The following SAMD9 variants were observed in gnomAD, a reference collection of about 807,000 sequenced individuals.
SAMD9 encodes sterile alpha motif domain-containing protein 9.
Under a neutral mutation model 1.5 loss-of-function variants are expected in SAMD9, and 3 were observed. The ratio of observed to expected loss-of-function variants is 2.05; its 90% CI spans 0.93 to 5.29. The LOEUF (loss-of-function observed/expected upper bound fraction) is 5.29. Ranked by LOEUF, SAMD9 falls within the 30% of genes most tolerant of loss-of-function variation. The probability of loss-of-function intolerance (pLI) is 0.02; values close to 1 mark genes in which losing one functional copy is unlikely to be tolerated. For synonymous variants in SAMD9, 635 were observed against 631.9 expected, an observed-to-expected ratio of 1.00 and a Z score of -0.07; for missense variants, 1,597 against 1,820.8, an observed-to-expected ratio of 0.88 and a Z score of 2.24.
At chr7:93,110,404 G>A (rs749994681) in intron 2 of SAMD9, among the ~76,000 whole-genome samples, 6 of 152,104 alleles carry the variant, frequency 3.9e-5, no homozygotes, top group Non-Finnish European at 8.8e-5. Flanking sequence ...ATCAAATAAC[G>A]AGCAAAAGAA....
In SAMD9 at chr7:93,104,309, G is replaced by A. The variant is rs777021540; in HGVS notation, c.1789C>T (p.His597Tyr). The A allele has an allele frequency of 6.2e-7, 1 of 1,613,588 alleles. No individual in the cohort carries two copies. The highest frequency in any genetic ancestry group is 1.1e-5 in the South Asian group (1 of 91,038). ...CATTGGCTTGAAATTTCATCTTGGT[G>A]TTTTATTAATCTTGCTTCAAGTAGA... ...KDLLEARLIK[H>Y]QDEISSQCIS... The change falls in exon 3 of 3, where the codon CAC (histidine) becomes TAC (tyrosine). Residue 597 changes from histidine (H) to tyrosine (Y), a missense_variant. By Grantham distance (83) the His-to-Tyr change is moderately conservative. Transcript: ENST00000379958.
rs1159798037 is a variant in SAMD9 at position 93,105,288 on chromosome 7, CTTGT to C, written c.806_809del (p.Asn269SerfsTer129). On this transcript the variant is annotated frameshift_variant, in exon 3 of 3. Coordinates refer to ENST00000379958, the MANE Select transcript of SAMD9 (RefSeq NM_017654.4). LOFTEE classifies it low-confidence loss of function (END_TRUNC). ...GTTGGACTTGATGGTCTTCAAAATA[CTTGT>C]TTATCATCAGATTGAAATGGTTAAT... 1.2e-6 allele frequency: 2 copies of C among 1,613,922 alleles called. No individual in the cohort carries two copies. The highest frequency in any genetic ancestry group is 1.7e-6 in the Non-Finnish European group (2 of 1,179,962).
Position 93,105,367 on chromosome 7 carries a change from TG to T in SAMD9, c.730del (p.His244MetfsTer23), listed in dbSNP as rs1562776065. 1.9e-6 allele frequency: 3 copies of T among 1,613,900 alleles called. No homozygotes were observed. The highest frequency in any genetic ancestry group is 2.5e-6 in the Non-Finnish European group (3 of 1,179,984). ...GACTTTGATGCCAACAATTTTCCCA[TG>T]GGGTTTGTCTTTGACTCCAAAATGA... is the stretch of plus-strand genomic sequence containing the variant. ...TIHFGVKDKPHGKIVGIKVTN... is the reference protein window; with the variant it reads ...TIHFGVKDKPXGKIVGIKVTN... On this transcript the variant is annotated frameshift_variant, in exon 3 of 3. Coordinates refer to ENST00000379958, the MANE Select transcript of SAMD9 (RefSeq NM_017654.4). LOFTEE classifies it low-confidence loss of function (END_TRUNC).
Position 93,104,427 on chromosome 7 carries a change from A to G in SAMD9, c.1671T>C (p.Ile557=). The part of the protein sequence containing the change: ...SSVDDPRDPL[I]ETFCAFYQDL... ...CCTGGTAGAAAGCACAGAAAGTCTC[A>G]ATGAGGGGATCTCTTGGGTCATCCA... The change falls in exon 3 of 3, where the codon ATT becomes ATC. Residue 557 remains isoleucine (I), a synonymous_variant. Transcript: ENST00000379958. The G allele has an allele frequency of 6.2e-7, 1 of 1,613,942 alleles. No homozygotes were observed. The highest frequency in any genetic ancestry group is 8.5e-7 in the Non-Finnish European group (1 of 1,179,858).
rs763877299 is a variant in SAMD9, at chr7:93,105,752, C to G, written c.346G>C (p.Gly116Arg). Residue 116 changes from glycine (G) to arginine (R), a missense_variant, in exon 3 of 3, where the codon GGT (glycine) becomes CGT (arginine). Gly to Arg is a moderately radical substitution (Grantham distance 125). This residue lies in a region of SAMD9 where 498 missense variants were observed against 457.4 expected (regional missense o/e 1.09). Coordinates refer to ENST00000379958, the MANE Select transcript of SAMD9 (RefSeq NM_017654.4). The part of the protein sequence containing the change: ...RRETSKQKQK[G>R]KENPDMANPS... The stretch of plus-strand genomic sequence containing the variant: ...TTAGCCATATCTGGGTTCTCTTTAC[C>G]CTTTTGTTTTTGCTTTGAAGTTTCT... 5.3e-5 allele frequency: 86 copies of G among 1,613,854 alleles called. No individual in the cohort carries two copies. The highest frequency in any genetic ancestry group is 6.9e-5 in the Non-Finnish European group (81 of 1,180,002).
At chr7:93,108,244 C>A (rs1342413545) in intron 2 of SAMD9, among the ~76,000 whole-genome samples, 2 of 152,188 alleles carry the variant, frequency 1.3e-5, no homozygotes, top group East Asian at 1.9e-4. Flanking sequence ...CGGGGGACTG[C>A]ATGTACCTTC....
In SAMD9 at chr7:93,105,091, C is replaced by A. The variant is rs1189250576; in HGVS notation, c.1007G>T (p.Ser336Ile). ...TCGCACAAATAGTGAGAATTTTTTA[C>A]TTTGTTCCCATATTTTGTTGTTGTA... ...QNYNNKIWEQ[S>I]KKFSLFVRDG... Residue 336 changes from serine (S) to isoleucine (I), a missense_variant, in exon 3 of 3, where the codon AGT becomes ATT. Physicochemically the swap from Ser to Ile is moderately radical, Grantham distance 142. Coordinates refer to ENST00000379958, the MANE Select transcript of SAMD9 (RefSeq NM_017654.4). 1 of 1,613,842 alleles carries A rather than the reference C, an allele frequency of 6.2e-7. No individual in the cohort carries two copies. Among genetic ancestry groups the A allele is most frequent in the Admixed American group, 1.7e-5 (1 of 59,992 alleles).
Position 93,104,583 on chromosome 7 carries a change from A to G in SAMD9, c.1515T>C (p.Tyr505=), listed in dbSNP as rs755272329. The part of the protein sequence containing the change: ...NGRLDLDSEK[Y]KPFDPSSWQR... ...GCCAGGAACTTGGATCAAAGGGTTT[A>G]TATTTTTCACTGTCAAGGTCTAACC... The change falls in exon 3 of 3, where the codon TAT becomes TAC. Residue 505 remains tyrosine (Y), a synonymous_variant. Transcript: ENST00000379958. The G allele has an allele frequency of 2.9e-5, 47 of 1,613,954 alleles. No individual in the cohort carries two copies. In the South Asian group the frequency reaches 4.8e-4, roughly 17 times the overall value.
rs751226142 is a variant in SAMD9 at position 93,102,917 on chromosome 7, C to G, written c.3181G>C (p.Asp1061His). ...FSPFIEALHK[D>H]EGNEAVEAVL... is the part of the protein sequence containing the mutation. ...GCTTCAACTGCTTCATTTCCTTCAT[C>G]TTTATGTAATGCTTCAATAAATGGG... Residue 1061 changes from aspartate (D) to histidine (H), a missense_variant, in exon 3 of 3, where the codon GAT becomes CAT. Physicochemically the swap from Asp to His is moderately conservative, Grantham distance 81. Coordinates refer to ENST00000379958, the MANE Select transcript of SAMD9 (RefSeq NM_017654.4). 8.1e-6 allele frequency: 13 copies of G among 1,613,888 alleles called. No individual in the cohort carries two copies. The highest frequency in any genetic ancestry group is 4.2e-6 in the Non-Finnish European group (5 of 1,179,824).
At chr7:93,109,748 G>A (rs1035938329) in intron 2 of SAMD9, among the ~76,000 whole-genome samples, 2 of 152,102 alleles carry the variant, frequency 1.3e-5, no homozygotes, top group African/African-American at 4.8e-5. Flanking sequence ...CAGAAGAGAA[G>A]TTTAGAGAAA....
chr7:93,101,259 A>C lies in SAMD9; in HGVS notation c.*69T>G. On this transcript the variant is annotated 3_prime_UTR_variant, in exon 3 of 3. Coordinates refer to ENST00000379958, the MANE Select transcript of SAMD9 (RefSeq NM_017654.4). ...ATCTATAACCTTGCCGGTTTAAAGCATAGATCTTGAGTCCAAAAAAATTAA... is the reference window on the plus strand; with the variant it reads ...ATCTATAACCTTGCCGGTTTAAAGCCTAGATCTTGAGTCCAAAAAAATTAA... 1 of 1,258,400 alleles carries C rather than the reference A, an allele frequency of 7.9e-7. No individual in the cohort carries two copies. The highest frequency in any genetic ancestry group is 1.2e-6 in the Non-Finnish European group (1 of 866,646). The allele number at this position is 1,258,400 out of a possible 1,614,324, so 78.0% of individuals were successfully genotyped here.
In SAMD9 at chr7:93,101,320, T is replaced by C. The variant is rs146843559; in HGVS notation, c.*8A>G. The C allele has an allele frequency of 7.7e-5, 123 of 1,606,674 alleles. No homozygotes were observed. The African/African-American group carries it at 1.4e-3, about 18-fold the overall frequency. ...AGATCAAATTCTTGGAGGAAGAATA[T>C]CAGGCTCTTAAACAATTTCAATGTC... On this transcript the variant is annotated 3_prime_UTR_variant, in exon 3 of 3. Transcript: ENST00000379958.
Position 93,101,596 on chromosome 7 carries a change from C to G in SAMD9, c.4502G>C (p.Cys1501Ser). The change falls in exon 3 of 3, where the codon TGC becomes TCC. Residue 1501 changes from cysteine to serine, a missense_variant. Around this residue, in one of 6 missense-constraint regions of SAMD9, gnomAD observed 682 missense variants for 810.0 expected, o/e 0.84. Transcript: ENST00000379958. ...ATTAATATCTGGTGTCTTCTTAAAG[C>G]ACTGGTCAATTTTTCCTTTGTGAAC... ...RLVHKGKIDQ[C>S]FKKTPDINSL... 6.2e-7 allele frequency: 1 copy of G among 1,613,884 alleles called. No individual in the cohort carries two copies. Among genetic ancestry groups the G allele is most frequent in the South Asian group, 1.1e-5 (1 of 91,078 alleles).
Position 93,100,261 on chromosome 7 carries a change from A to G in SAMD9, c.*1067T>C, listed in dbSNP as rs1314104358. On this transcript the variant is annotated 3_prime_UTR_variant, in exon 3 of 3. Coordinates refer to ENST00000379958, the MANE Select transcript of SAMD9 (RefSeq NM_017654.4). ...TTCTTTTGAATTGCAAATAAGATCC[A>G]GAGACCTGATCAAATTCAGGTTTAA... The G allele has an allele frequency of 1.3e-5, 2 of 152,176 alleles. No homozygotes were observed. Among genetic ancestry groups the G allele is most frequent in the African/African-American group, 4.8e-5 (2 of 41,454 alleles). The allele number at this position is 152,176 out of a possible 1,614,324, so 9.4% of individuals were successfully genotyped here. A position where few individuals can be genotyped will look rare whatever the true frequency, so the allele number is the denominator to read the frequency against.
At chr7:93,112,330 C>T (rs533941843) in intron 2 of SAMD9, among the ~76,000 whole-genome samples, 16 of 152,236 alleles carry the variant, frequency 1.1e-4, no homozygotes, top group South Asian at 6.2e-4. Flanking sequence ...CTATTTATGA[C>T]GAACCCACAG....
chr7:93,101,011 T>C lies in SAMD9; in HGVS notation c.*317A>G. 2.8e-6 allele frequency: 1 copy of C among 355,882 alleles called. No individual in the cohort carries two copies. The highest frequency in any genetic ancestry group is 5.2e-6 in the Non-Finnish European group (1 of 192,968). The allele number at this position is 355,882 out of a possible 1,614,324, so 22.0% of individuals were successfully genotyped here. ...TCTTCTTCAATCCATGCCTGGTAAGTAGTGGGGTTCTGTGTAGCCAGCTTA... is the reference window on the plus strand; with the variant it reads ...TCTTCTTCAATCCATGCCTGGTAAGCAGTGGGGTTCTGTGTAGCCAGCTTA... On this transcript the variant is annotated 3_prime_UTR_variant, in exon 3 of 3. Coordinates refer to ENST00000379958, the MANE Select transcript of SAMD9 (RefSeq NM_017654.4).
intron 2 of SAMD9, among the ~76,000 whole-genome samples, chr7:93,109,329 T>C (rs1791699548): frequency 6.6e-6 from 1 of 152,094 alleles, no homozygotes; most frequent in Non-Finnish European, 1.5e-5. Flanking sequence ...CAAAGGTAGA[T>C]AAAACCACAA....
At chr7:93,109,140 G>A (rs533333442) in intron 2 of SAMD9, among the ~76,000 whole-genome samples, 5 of 152,258 alleles carry the variant, frequency 3.3e-5, no homozygotes, top group East Asian at 1.9e-4. Flanking sequence ...GTGATGTTCT[G>A]CAATATTTGC....
chr7:93,113,743 A>G (rs1218241778), intron 2 of SAMD9, among the ~76,000 whole-genome samples: 3 of 152,178 alleles, frequency 2.0e-5, no homozygotes, highest in African/African-American at 7.2e-5. Flanking sequence ...CAAAACCACA[A>G]TGAGATACCA....
Sources: allele counts gnomAD v4.1 joint callset (sites outside exome capture counted in the v4.1 genomes callset), GRCh38; gene constraint gnomAD v4.1.1; regional missense constraint gnomAD v4.1.1; transcripts MANE v1.5; gene names NCBI Gene and HGNC (gene_info 2026-07-23, HGNC 2026-07-21).